STOX2: variants seen among roughly 807,000 people sequenced by gnomAD.
STOX2 encodes the protein storkhead box 2.
STOX2 carries 28 observed loss-of-function variants against 60.9 expected under a neutral mutation model. The observed-to-expected ratio is 0.46, with a 90% CI of 0.34 to 0.63. The LOEUF is 0.63. STOX2 is among the 30% of genes least tolerant of loss of function. STOX2 has a pLI of 0.01. For missense variants in STOX2, 1,024 were observed against 1,187.7 expected (o/e 0.86, Z 2.03); for synonymous variants, 472 against 463.9 (o/e 1.02, Z -0.22).
intron 1 of STOX2, among the ~76,000 whole-genome samples, chr4:183,992,911 G>T (rs1431239780): frequency 6.6e-6 from 1 of 152,236 alleles, no homozygotes; most frequent in African/African-American, 2.4e-5. Flanking sequence ...TAGCTGATGG[G>T]TTATAGTGTG....
intron 1 of STOX2, among the ~76,000 whole-genome samples, chr4:183,886,798 C>A (rs151111817): frequency 6.6e-6 from 1 of 152,300 alleles, no homozygotes; most frequent in East Asian, 1.9e-4. Context: ...GCAAGCAGTC[C>A]TTAAAAACAA....
intron 1 of STOX2, among the ~76,000 whole-genome samples, chr4:183,926,463 T>C (rs1430080908): frequency 2.0e-5 from 3 of 152,220 alleles, no homozygotes; most frequent in African/African-American, 7.2e-5. Context: ...CTGAGGTTGG[T>C]ATTATAATTA....
intron 1 of STOX2, among the ~76,000 whole-genome samples, chr4:183,940,800 T>A (rs1165537810): frequency 4.6e-5 from 7 of 152,272 alleles, no homozygotes; most frequent in Non-Finnish European, 1.0e-4. Context: ...TAGTTTATTC[T>A]AAACCTACTG....
chr4:183,957,416 T>C (rs1743282620), intron 1 of STOX2, among the ~76,000 whole-genome samples: 1 of 152,212 alleles, frequency 6.6e-6, no homozygotes. Flanking sequence ...CTTGTTGCAA[T>C]GGTGGTTACA....
At chr4:183,798,296 G>A (rs555985467) in intron 1 of STOX2, among the ~76,000 whole-genome samples, 2 of 151,058 alleles carry the variant, frequency 1.3e-5, no homozygotes, top group African/African-American at 2.4e-5. Flanking sequence ...GCCTGCCCGC[G>A]GGAGCCTCCC....
intron 1 of STOX2, among the ~76,000 whole-genome samples, chr4:183,928,997 G>A (rs937254498): frequency 2.6e-5 from 4 of 152,180 alleles, no homozygotes; most frequent in Non-Finnish European, 4.4e-5. Flanking sequence ...TGTAACACAA[G>A]CCCCGAAAGC....
intron 2 of STOX2, among the ~76,000 whole-genome samples, chr4:184,004,063 A>C (rs1254306239): frequency 6.6e-6 from 1 of 152,058 alleles, no homozygotes; most frequent in East Asian, 1.9e-4. Context: ...ACAATGCTAA[A>C]ACTCTGAAGG....
chr4:183,912,682 G>A (rs560236129), intron 1 of STOX2, among the ~76,000 whole-genome samples: 63 of 152,172 alleles, frequency 4.1e-4, no homozygotes, highest in Non-Finnish European at 7.1e-4. Flanking sequence ...TACAACCCAT[G>A]TGTGTCTCCG....
At chr4:183,838,372 T>C (rs1168624839) in intron 1 of STOX2, among the ~76,000 whole-genome samples, 1 of 151,808 alleles carries the variant, frequency 6.6e-6, no homozygotes, top group Non-Finnish European at 1.5e-5. Flanking sequence ...AATAAATAAA[T>C]ACATAAAATA....
chr4:183,886,485 CTG>C (rs1741087411), intron 1 of STOX2, among the ~76,000 whole-genome samples: 1 of 152,192 alleles, frequency 6.6e-6, no homozygotes, highest in African/African-American at 2.4e-5. Flanking sequence ...GCCTGCATGT[CTG>C]TGAGTCCATT....
At chr4:183,858,817 A>G (rs1017817174) in intron 1 of STOX2, among the ~76,000 whole-genome samples, 2 of 152,156 alleles carry the variant, frequency 1.3e-5, no homozygotes, top group African/African-American at 4.8e-5. Flanking sequence ...CTTAGCTTCT[A>G]TGATTGCTTT....
At chr4:183,924,147 C>A (rs1742176126) in intron 1 of STOX2, among the ~76,000 whole-genome samples, 1 of 152,194 alleles carries the variant, frequency 6.6e-6, no homozygotes, top group Non-Finnish European at 1.5e-5. Context: ...CAGCTCCTTC[C>A]TTCAAATCCT....
At position 183,911,173 on chromosome 4, in the gene STOX2, C is replaced by T. The variant is rs546642979; in HGVS notation, c.166+4217C>T. On this transcript the variant is annotated intron_variant, in intron 1 of 3. Coordinates refer to ENST00000308497, the MANE Select transcript of STOX2 (RefSeq NM_020225.3). ...AATTGTTAGACAAAACTTCTCTGCC[C>T]TCTTCTACTTTTTGGAGTCAGGTGC... is the stretch of plus-strand genomic sequence containing the variant. Among the ~76,000 whole-genome samples the T allele has an allele frequency of 1.4e-3, 213 of 152,298 alleles. 1 individual carries two copies. Among genetic ancestry groups the T allele is most frequent in the African/African-American group, 4.8e-3 (199 of 41,574 alleles).
At chr4:183,926,342 C>T (rs1046512571) in intron 1 of STOX2, among the ~76,000 whole-genome samples, 5 of 152,022 alleles carry the variant, frequency 3.3e-5, no homozygotes, top group South Asian at 2.1e-4. Flanking sequence ...GTAAGAAACA[C>T]GTCATTTTCC....
At chr4:183,974,634 A>G (rs1732385143) in intron 1 of STOX2, among the ~76,000 whole-genome samples, 2 of 152,198 alleles carry the variant, frequency 1.3e-5, no homozygotes, top group Non-Finnish European at 2.9e-5. Flanking sequence ...CATAAAGAAA[A>G]ATGGGTAAGT....
At chr4:183,870,695 A>C (rs186377715) in intron 1 of STOX2, among the ~76,000 whole-genome samples, 1 of 152,210 alleles carries the variant, frequency 6.6e-6, no homozygotes, top group Non-Finnish European at 1.5e-5. Flanking sequence ...GGTGATTTTC[A>C]TAGCTGCTTT....
At chr4:184,007,496 C>T (rs1324446065) in intron 2 of STOX2, among the ~76,000 whole-genome samples, 1 of 152,206 alleles carries the variant, frequency 6.6e-6, no homozygotes, top group Non-Finnish European at 1.5e-5. Flanking sequence ...ACACGAAACT[C>T]CTTTCACCTC....
At chr4:183,980,035 G>C (rs906120774) in intron 1 of STOX2, among the ~76,000 whole-genome samples, 1 of 152,076 alleles carries the variant, frequency 6.6e-6, no homozygotes, top group Non-Finnish European at 1.5e-5. Context: ...CTATTTGACA[G>C]CACAAATATA....
At chr4:184,012,178 G>C (rs140197138) in intron 3 of STOX2, among the ~76,000 whole-genome samples, 1 of 152,300 alleles carries the variant, frequency 6.6e-6, no homozygotes, top group African/African-American at 2.4e-5. Context: ...CAGTGGTCAT[G>C]GCCAAAGCTC....
Sources: gnomAD v4.1 joint callset for allele counts (sites outside exome capture counted in the v4.1 genomes callset) on GRCh38, gnomAD v4.1.1 for gene constraint, MANE v1.5 for transcripts, NCBI Gene and HGNC (gene_info 2026-07-23, HGNC 2026-07-21) for gene names.